The following REEP5 variants were observed in gnomAD, a reference collection of about 807,000 sequenced individuals.
REEP5 encodes the protein receptor accessory protein 5.
Under a neutral mutation model 22.4 loss-of-function variants are expected in REEP5, and 24 were observed. That is an observed-to-expected ratio of 1.07 (90% CI 0.78 to 1.51). The LOEUF is 1.51. Among genes scored for constraint, REEP5 ranks in the 40% most tolerant of loss-of-function variants. The pLI, the probability that REEP5 is intolerant of heterozygous loss-of-function variation, is 0.00. For synonymous variants in REEP5, 103 were observed against 88.6 expected, an observed-to-expected ratio of 1.16 and a Z score of -0.92; for missense variants, 252 against 233.0, an observed-to-expected ratio of 1.08 and a Z score of -0.53.
In REEP5 at chr5:112,879,640, A is replaced by AT. The variant is rs1011952832; in HGVS notation, c.521-806dup. On this transcript the variant is annotated intron_variant, in intron 4 of 4. Transcript: ENST00000379638. ...ATGCACTCACCACCACGCCCAGCTA[A>AT]TTTTTTTTTGTATTTTTAGTAGAGA... 2.0e-4 allele frequency among the ~76,000 whole-genome samples: 30 copies of AT among 150,846 alleles called. No homozygotes were observed. The East Asian group carries it at 2.6e-3, about 13-fold the overall frequency.
intron 3 of REEP5, among the ~76,000 whole-genome samples, chr5:112,890,371 T>G (rs1455708621): frequency 1.9e-5 from 1 of 52,608 alleles, no homozygotes; most frequent in Non-Finnish European, 3.4e-5. Flanking sequence ...ATTTAAGTCT[T>G]TTTTTTTTTT....
chr5:112,888,414 T>C (rs1184995223), intron 3 of REEP5, among the ~76,000 whole-genome samples: 1 of 152,208 alleles, frequency 6.6e-6, no homozygotes, highest in Non-Finnish European at 1.5e-5. Flanking sequence ...AAAACCCAAG[T>C]TCTCAACAAT....
In REEP5 at chr5:112,892,450, C is replaced by G. The variant is rs1350242942; in HGVS notation, c.352-5267G>C. 1.9e-6 allele frequency: 3 copies of G among 1,614,000 alleles called. No homozygotes were observed. The African/African-American group carries it at 4.0e-5, about 22-fold the overall frequency. ...GGTCAGCTGCAATTTGGAACCTCAC[C>G]TGAGGGGCAATGTATATGTTCAGTA... On this transcript the variant is annotated intron_variant, in intron 3 of 4. Coordinates refer to ENST00000379638, the MANE Select transcript of REEP5 (RefSeq NM_005669.5).
At chr5:112,891,500 A>T in intron 3 of REEP5, 1 of 1,166,732 alleles carries the variant, frequency 8.6e-7, no homozygotes, top group Non-Finnish European at 1.2e-6. Context: ...TTTGTAATAT[A>T]TATAAGTATG....
intron 1 of REEP5, chr5:112,921,572 G>T (rs1424043106): frequency 7.3e-6 from 3 of 411,462 alleles, no homozygotes; most frequent in Non-Finnish European, 1.4e-5. Context: ...GGGCCTGCTG[G>T]GCAGCGCTCC....
At chr5:112,892,962 G>C (rs1368698649) in intron 3 of REEP5, 2 of 1,595,132 alleles carry the variant, frequency 1.3e-6, no homozygotes, top group Non-Finnish European at 1.7e-6. Context: ...AGGGCCGCCG[G>C]AGCCAGAGCC....
At chr5:112,885,696 TTC>T in intron 4 of REEP5, 2 of 310,404 alleles carry the variant, frequency 6.4e-6, no homozygotes, top group South Asian at 7.7e-5. Flanking sequence ...CAGCCTCCCT[TTC>T]TCTGTCAGTG....
intron 2 of REEP5, among the ~76,000 whole-genome samples, chr5:112,910,578 T>C (rs777062586): frequency 5.9e-5 from 9 of 152,204 alleles, no homozygotes; most frequent in Non-Finnish European, 1.0e-4. Flanking sequence ...GGAGAGAGTA[T>C]CTGTCCCCAT....
chr5:112,885,188 C>T, intron 4 of REEP5: 2 of 175,816 alleles, frequency 1.1e-5, no homozygotes, highest in South Asian at 2.1e-4. Flanking sequence ...GAGGAGCCAG[C>T]CAGGAGATGG....
intron 2 of REEP5, among the ~76,000 whole-genome samples, chr5:112,917,435 C>T (rs758511007): frequency 2.0e-5 from 3 of 152,064 alleles, no homozygotes; most frequent in East Asian, 1.9e-4. Context: ...GGTGGCAGCC[C>T]AAGTCTTAAG....
At chr5:112,894,091 C>CT (rs2150041018) in intron 3 of REEP5, 1 of 151,088 alleles carries the variant, frequency 6.6e-6, no homozygotes, top group Admixed American at 6.6e-5. Flanking sequence ...CTGTGGAAGC[C>CT]TTTTGGTTGG....
intron 3 of REEP5, chr5:112,893,780 A>G (rs1580740699): frequency 6.6e-6 from 1 of 152,292 alleles, no homozygotes; most frequent in South Asian, 2.1e-4. Flanking sequence ...TAAAGGTCCA[A>G]GCACTCCAAG....
chr5:112,908,243 G>A (rs1019254251), intron 2 of REEP5, among the ~76,000 whole-genome samples: 1 of 151,594 alleles, frequency 6.6e-6, no homozygotes, highest in Non-Finnish European at 1.5e-5. Flanking sequence ...TGGGATTACA[G>A]GCACCTGCCA....
At chr5:112,881,939 GTT>G (rs111457700) in intron 4 of REEP5, 15 of 142,422 alleles carry the variant, frequency 1.1e-4, no homozygotes, top group Non-Finnish European at 1.2e-4. Context: ...TAATTTTTGT[GTT>G]TTTTTTTTTT....
At chr5:112,910,837 G>A (rs963757281) in intron 2 of REEP5, among the ~76,000 whole-genome samples, 12 of 152,250 alleles carry the variant, frequency 7.9e-5, no homozygotes, top group African/African-American at 2.9e-4. Context: ...CACCCACAGA[G>A]CCCTGATTTT....
chr5:112,900,426 C>T (rs1447089970), intron 3 of REEP5, among the ~76,000 whole-genome samples: 1 of 152,088 alleles, frequency 6.6e-6, no homozygotes, highest in Non-Finnish European at 1.5e-5. Flanking sequence ...TTGTCCTCTA[C>T]TTTTTTCTAA....
At chr5:112,897,950 T>C (rs993764931) in intron 3 of REEP5, 3 of 152,206 alleles carry the variant, frequency 2.0e-5, no homozygotes, top group African/African-American at 7.3e-5. Flanking sequence ...TCCCAGCTAC[T>C]TGGGAGGCTG....
intron 3 of REEP5, among the ~76,000 whole-genome samples, chr5:112,889,555 A>G (rs139249425): frequency 0.014 from 2,097 of 150,836 alleles, 176 homozygotes; most frequent in African/African-American, 0.048. Context: ...TGTTTGCAAT[A>G]GAATTATTTT....
chr5:112,915,563 T>C (rs1769213305), intron 2 of REEP5, among the ~76,000 whole-genome samples: 1 of 152,370 alleles, frequency 6.6e-6, no homozygotes, highest in East Asian at 1.9e-4. Context: ...AATGTTTAAA[T>C]GCTTAAGATT....
Sources: allele counts gnomAD v4.1 joint callset (sites outside exome capture counted in the v4.1 genomes callset), GRCh38; gene constraint gnomAD v4.1.1; transcripts MANE v1.5; gene names NCBI Gene and HGNC (gene_info 2026-07-23, HGNC 2026-07-21).